GRK3: variants seen among roughly 807,000 people sequenced by gnomAD.
The protein encoded by GRK3 is G protein-coupled receptor kinase 3.
GRK3 carries 54 observed loss-of-function variants against 95.7 expected under a neutral mutation model. The observed-to-expected ratio is 0.56, with a 90% confidence interval of 0.45 to 0.71. The LOEUF is 0.71. Ranked by LOEUF, GRK3 falls within the 30% of genes least tolerant of loss-of-function variation. The pLI, the probability that GRK3 is intolerant of heterozygous loss-of-function variation, is 0.00. For synonymous variants in GRK3, 281 were observed against 290.8 expected (o/e 0.97, Z 0.34); for missense variants, 649 against 851.2 (o/e 0.76, Z 2.96).
intron 2 of GRK3, among the ~76,000 whole-genome samples, chr22:25,634,353 A>G (rs1028130811): frequency 6.6e-6 from 1 of 152,138 alleles, no homozygotes; most frequent in South Asian, 2.1e-4. Context: ...GTGATGCTGG[A>G]TGATAAGATG....
intron 20 of GRK3, 85 bp from the exon 21 acceptor site, chr22:25,722,204 G>T: frequency 6.7e-7 from 1 of 1,503,572 alleles, no homozygotes; most frequent in East Asian, 2.3e-5. Flanking sequence ...GGGTTCCAGG[G>T]ACGCTGGTAA....
intron 1 of GRK3, among the ~76,000 whole-genome samples, chr22:25,592,856 G>C (rs1448225400): frequency 1.3e-5 from 2 of 151,606 alleles, no homozygotes; most frequent in African/African-American, 4.8e-5. Flanking sequence ...CATCAAAAAG[G>C]TTATGTCCAT....
rs940865086 is a variant in GRK3 at position 25,614,422 on chromosome 22, C to G, written c.190+9969C>G. Among the ~76,000 whole-genome samples the G allele has an allele frequency of 1.8e-4, 27 of 152,226 alleles. 1 individual carries two copies. Among genetic ancestry groups the G allele is most frequent in the Non-Finnish European group, 1.0e-4 (7 of 68,042 alleles). ...GTGTCGGGATTATAGGTGTGAGCCA[C>G]TGTGCTCGGCCATCTATTATCTGCT... is the stretch of plus-strand genomic sequence containing the variant. On this transcript the variant is annotated intron_variant, in intron 2 of 20. Coordinates refer to ENST00000324198, the MANE Select transcript of GRK3 (RefSeq NM_005160.4).
chr22:25,684,034 T>C (rs1289364441), intron 9 of GRK3, among the ~76,000 whole-genome samples: 1 of 152,344 alleles, frequency 6.6e-6, no homozygotes, highest in East Asian at 1.9e-4. Flanking sequence ...GGCTGTAGCG[T>C]ATGGTGTGAG....
chr22:25,570,652 T>C (rs1182899186), intron 1 of GRK3, among the ~76,000 whole-genome samples: 1 of 152,202 alleles, frequency 6.6e-6, no homozygotes, highest in Non-Finnish European at 1.5e-5. Flanking sequence ...TTGGCAACTT[T>C]TACTCTATTA....
intron 1 of GRK3, among the ~76,000 whole-genome samples, chr22:25,574,618 C>G (rs1690051465): frequency 6.6e-6 from 1 of 152,140 alleles, no homozygotes; most frequent in Non-Finnish European, 1.5e-5. Context: ...TTGGAAACAT[C>G]TTTTTTAAAA....
chr22:25,722,151 G>A, intron 20 of GRK3, 138 bp from the exon 21 acceptor site: 1 of 896,670 alleles, frequency 1.1e-6, no homozygotes, highest in Non-Finnish European at 1.7e-6. Context: ...CCATCAGCTA[G>A]TAATGCCACT....
intron 3 of GRK3, among the ~76,000 whole-genome samples, chr22:25,650,516 T>A (rs2084822749): frequency 6.6e-6 from 1 of 152,122 alleles, no homozygotes; most frequent in African/African-American, 2.4e-5. Flanking sequence ...TAGAACCAGA[T>A]CAGGGACTTG....
At chr22:25,719,213 C>G (rs558618925) in intron 19 of GRK3, among the ~76,000 whole-genome samples, 77 of 151,776 alleles carry the variant, frequency 5.1e-4, no homozygotes, top group Middle Eastern at 3.4e-3. Flanking sequence ...AAAAAAAACT[C>G]CATGTGTTTG....
At chr22:25,613,641 G>A (rs1283191336) in intron 2 of GRK3, among the ~76,000 whole-genome samples, 1 of 150,802 alleles carries the variant, frequency 6.6e-6, no homozygotes, top group African/African-American at 2.4e-5. Context: ...AGAGAGGAAA[G>A]ACACTAGGGT....
chr22:25,636,272 T>A (rs1410528410), intron 2 of GRK3, among the ~76,000 whole-genome samples: 1 of 152,222 alleles, frequency 6.6e-6, no homozygotes, highest in Non-Finnish European at 1.5e-5. Flanking sequence ...GGTGTGTCAT[T>A]GCTTCTAGAC....
In GRK3 at chr22:25,690,278, G is replaced by T; in HGVS notation, c.1047G>T (p.Ala349=). 6.2e-7 allele frequency: 1 copy of T among 1,611,846 alleles called. No individual in the cohort carries two copies. The highest frequency in any genetic ancestry group is 1.1e-5 in the South Asian group (1 of 90,996). ...ACDFSKKKPH[A]SVGTHGYMAP... is the part of the protein sequence containing the mutation. ...ATTTTTCCAAAAAGAAGCCTCATGCGAGTGTGTAAGTAGTGCGTCAACTTC... is the reference window on the plus strand; with the variant it reads ...ATTTTTCCAAAAAGAAGCCTCATGCTAGTGTGTAAGTAGTGCGTCAACTTC... Residue 349 remains alanine (A), a synonymous_variant, in exon 12 of 21, where the codon GCG becomes GCT. Coordinates refer to ENST00000324198, the MANE Select transcript of GRK3 (RefSeq NM_005160.4).
chr22:25,720,727 G>A (rs1232355728), intron 19 of GRK3, among the ~76,000 whole-genome samples: 2 of 151,978 alleles, frequency 1.3e-5, no homozygotes, highest in South Asian at 2.1e-4. Flanking sequence ...CACCCGCCTC[G>A]GCCTCCCAAA....
Position 25,726,188 on chromosome 22 carries a change from T to C in GRK3, c.*3738T>C, listed in dbSNP as rs2146483376. Reference sequence around the variant, plus strand: ...CAGGGATTTAACTAGATTAAAAAGATCAAAGTGTGGTTTTTCTCTGCTTTT... The same window carrying C: ...CAGGGATTTAACTAGATTAAAAAGACCAAAGTGTGGTTTTTCTCTGCTTTT... On this transcript the variant is annotated 3_prime_UTR_variant, in exon 21 of 21. Coordinates refer to ENST00000324198, the MANE Select transcript of GRK3 (RefSeq NM_005160.4). 6.6e-6 allele frequency: 1 copy of C among 152,346 alleles called. No homozygotes were observed. Among genetic ancestry groups the C allele is most frequent in the East Asian group, 1.9e-4 (1 of 5,188 alleles). The allele number at this position is 152,346 out of a possible 1,614,324, so 9.4% of individuals were successfully genotyped here. A position where few individuals can be genotyped will look rare whatever the true frequency, so the allele number is the denominator to read the frequency against.
chr22:25,607,452 A>G (rs535362440), intron 2 of GRK3, among the ~76,000 whole-genome samples: 1 of 152,092 alleles, frequency 6.6e-6, no homozygotes, highest in East Asian at 1.9e-4. Flanking sequence ...CAGTTCCCCC[A>G]CATTGCCCCC....
At chr22:25,710,189 A>G (rs1027844941) in intron 16 of GRK3, among the ~76,000 whole-genome samples, 5 of 152,086 alleles carry the variant, frequency 3.3e-5, no homozygotes, top group Admixed American at 6.6e-5. Flanking sequence ...CTCACTCTTC[A>G]TTTCTCTAAT....
chr22:25,720,602 G>A (rs1485419651), intron 19 of GRK3, among the ~76,000 whole-genome samples: 1 of 145,824 alleles, frequency 6.9e-6, no homozygotes, highest in Admixed American at 7.1e-5. Flanking sequence ...TCAGCCTCCC[G>A]AGTAGCTGGG....
chr22:25,620,010 G>GT (rs2084571320), intron 2 of GRK3, among the ~76,000 whole-genome samples: 1 of 84,178 alleles, frequency 1.2e-5, no homozygotes, highest in African/African-American at 8.5e-5. Flanking sequence ...TCTTTTTTGT[G>GT]TGTGTGTGTG....
At chr22:25,720,293 C>T (rs2085420867) in intron 19 of GRK3, among the ~76,000 whole-genome samples, 1 of 152,048 alleles carries the variant, frequency 6.6e-6, no homozygotes, top group Non-Finnish European at 1.5e-5. Flanking sequence ...TAAGAAGCTA[C>T]ATAATATGCA....
Sources: allele counts gnomAD v4.1 joint callset (sites outside exome capture counted in the v4.1 genomes callset), GRCh38; gene constraint gnomAD v4.1.1; transcripts MANE v1.5; gene names NCBI Gene and HGNC (gene_info 2026-07-23, HGNC 2026-07-21).